Variants in HS6ST3 observed in about 807,000 individuals in gnomAD.
The protein encoded by HS6ST3 is heparan sulfate 6-O-sulfotransferase 3.
A neutral mutation model predicts 36.7 loss-of-function variants in HS6ST3; 12 were observed. The ratio of observed to expected loss-of-function variants is 0.33; its 90% confidence interval spans 0.21 to 0.53. The LOEUF (loss-of-function observed/expected upper bound fraction) is 0.53, where lower values mean the gene tolerates loss of function less well. Among genes scored for constraint, HS6ST3 ranks in the 20% least tolerant of loss-of-function variants. The probability of loss-of-function intolerance (pLI) is 0.95; values close to 1 mark genes in which losing one functional copy is unlikely to be tolerated. For synonymous variants in HS6ST3, 240 were observed against 257.5 expected (o/e 0.93, Z 0.65); for missense variants, 584 against 640.9 (o/e 0.91, Z 0.96).
chr13:96,162,769 A>AT (rs2054141981), intron 1 of HS6ST3, among the ~76,000 whole-genome samples: 2 of 152,200 alleles, frequency 1.3e-5, no homozygotes. Context: ...ATTTTATGTT[A>AT]TCTAGGAGTT....
At chr13:96,576,866 C>G (rs972517441) in intron 1 of HS6ST3, among the ~76,000 whole-genome samples, 1 of 146,842 alleles carries the variant, frequency 6.8e-6, no homozygotes, top group African/African-American at 2.6e-5. Context: ...ATCGCTTGAA[C>G]CCAGGAGGCA....
chr13:96,527,365 G>A (rs1448715440), intron 1 of HS6ST3, among the ~76,000 whole-genome samples: 2 of 152,046 alleles, frequency 1.3e-5, no homozygotes, highest in African/African-American at 4.8e-5. Context: ...TAATCTATTC[G>A]GATAATAAGT....
At chr13:96,297,937 ATGAATGAG>A (rs1346231820) in intron 1 of HS6ST3, among the ~76,000 whole-genome samples, 7 of 152,184 alleles carry the variant, frequency 4.6e-5, no homozygotes, top group African/African-American at 1.7e-4. Context: ...TCTTGAATGA[ATGAATGAG>A]TGGAATAACT....
At chr13:96,348,873 T>C (rs998573705) in intron 1 of HS6ST3, among the ~76,000 whole-genome samples, 3 of 152,174 alleles carry the variant, frequency 2.0e-5, no homozygotes, top group Admixed American at 2.0e-4. Context: ...TAACTAACCA[T>C]GTCCTTAGTC....
intron 1 of HS6ST3, among the ~76,000 whole-genome samples, chr13:96,475,561 G>A (rs2055859535): frequency 6.7e-6 from 1 of 149,820 alleles, no homozygotes; most frequent in African/African-American, 2.5e-5. Flanking sequence ...AAAGCTATTT[G>A]GCCGGAATAC....
intron 1 of HS6ST3, among the ~76,000 whole-genome samples, chr13:96,332,771 T>A (rs2055078406): frequency 6.6e-6 from 1 of 152,232 alleles, no homozygotes; most frequent in Admixed American, 6.5e-5. Flanking sequence ...TGTAGTGTAG[T>A]GTCTATTTAT....
chr13:96,263,310 A>C (rs76938706), intron 1 of HS6ST3, among the ~76,000 whole-genome samples: 2,382 of 152,272 alleles, frequency 0.016, 64 homozygotes, highest in African/African-American at 0.055. Flanking sequence ...GGACTCCCTA[A>C]GTTCTACTCT....
intron 1 of HS6ST3, among the ~76,000 whole-genome samples, chr13:96,611,941 A>G (rs2056458347): frequency 6.6e-6 from 1 of 152,138 alleles, no homozygotes; most frequent in Non-Finnish European, 1.5e-5. Flanking sequence ...GGAAAGTAAC[A>G]TGGCATTTGC....
chr13:96,800,202 G>GA (rs1043388907), intron 1 of HS6ST3, among the ~76,000 whole-genome samples: 1 of 150,334 alleles, frequency 6.7e-6, no homozygotes. Context: ...TATAGGTAGG[G>GA]AAAAAATGCA....
chr13:96,815,308 C>A (rs553425703), intron 1 of HS6ST3, among the ~76,000 whole-genome samples: 1 of 152,298 alleles, frequency 6.6e-6, no homozygotes, highest in East Asian at 1.9e-4. Context: ...CACATTTCCC[C>A]TCTTTATGAG....
At position 96,664,169 on chromosome 13, in the gene HS6ST3, C is replaced by A. The variant is rs192873747; in HGVS notation, c.708-168321C>A. Among the ~76,000 whole-genome samples the A allele has an allele frequency of 9.2e-5, 14 of 152,168 alleles. No individual in the cohort carries two copies. In the East Asian group the frequency reaches 1.9e-3, roughly 21 times the overall value. ...TAATCAAGTTGTATAAAAAGGAAAT[C>A]TCGGCTTTCTCATCTGTAAAGAAGG... On this transcript the variant is annotated intron_variant, in intron 1 of 1. Transcript: ENST00000376705.
intron 1 of HS6ST3, among the ~76,000 whole-genome samples, chr13:96,657,899 A>G (rs2056631276): frequency 6.6e-6 from 1 of 152,132 alleles, no homozygotes; most frequent in African/African-American, 2.4e-5. Flanking sequence ...GTCCTCCCAT[A>G]ACAGTTATGA....
intron 1 of HS6ST3, 146 bp downstream of exon 1, chr13:96,091,715 A>G (rs990688262): frequency 9.3e-7 from 1 of 1,074,574 alleles, no homozygotes; most frequent in Admixed American, 2.8e-5. Context: ...TTGGGGAGGG[A>G]TGAGAAACCT....
At chr13:96,102,635 AT>A (rs2053823589) in intron 1 of HS6ST3, among the ~76,000 whole-genome samples, 1 of 152,246 alleles carries the variant, frequency 6.6e-6, no homozygotes, top group Non-Finnish European at 1.5e-5. Flanking sequence ...AGAATAATTA[AT>A]GTAATGAAAA....
chr13:96,417,732 TCACACACACA>T (rs1211935095), intron 1 of HS6ST3, among the ~76,000 whole-genome samples: 2 of 137,234 alleles, frequency 1.5e-5, no homozygotes, highest in African/African-American at 5.5e-5. Context: ...ATAGCTTATT[TCACACACACA>T]CACACACACA....
At chr13:96,523,776 T>C (rs2056103180) in intron 1 of HS6ST3, among the ~76,000 whole-genome samples, 1 of 152,164 alleles carries the variant, frequency 6.6e-6, no homozygotes, top group African/African-American at 2.4e-5. Flanking sequence ...TTTCAAGGTT[T>C]TTAGCTTCCT....
At chr13:96,291,145 TTTAC>T (rs1402312619) in intron 1 of HS6ST3, among the ~76,000 whole-genome samples, 1 of 152,244 alleles carries the variant, frequency 6.6e-6, no homozygotes, top group Non-Finnish European at 1.5e-5. Context: ...TACTGTGTAT[TTTAC>T]TTACTTATTT....
At chr13:96,582,128 TA>T (rs761849853) in intron 1 of HS6ST3, among the ~76,000 whole-genome samples, 2 of 152,228 alleles carry the variant, frequency 1.3e-5, no homozygotes, top group Non-Finnish European at 2.9e-5. Context: ...CTCTTCATTT[TA>T]AACATTGACT....
At chr13:96,723,460 C>T (rs1875904856) in intron 1 of HS6ST3, among the ~76,000 whole-genome samples, 1 of 152,140 alleles carries the variant, frequency 6.6e-6, no homozygotes, top group Admixed American at 6.5e-5. Context: ...CAGTTTCTTG[C>T]ATATGAGAGA....
Sources: gnomAD v4.1 joint callset for allele counts (sites outside exome capture counted in the v4.1 genomes callset) on GRCh38, gnomAD v4.1.1 for gene constraint, MANE v1.5 for transcripts, NCBI Gene and HGNC (gene_info 2026-07-23, HGNC 2026-07-21) for gene names.